SVEP1: variants seen among roughly 807,000 people sequenced by gnomAD.
The protein encoded by SVEP1 is sushi, von Willebrand factor type A, EGF and pentraxin domain containing 1.
SVEP1 carries 164 observed loss-of-function variants against 367.3 expected under a neutral mutation model. That is an observed-to-expected ratio of 0.45 (90% CI 0.39 to 0.51). The LOEUF (loss-of-function observed/expected upper bound fraction) is 0.51, where lower values mean the gene tolerates loss of function less well. Among genes scored for constraint, SVEP1 ranks in the 20% least tolerant of loss-of-function variants. The pLI is 0.00. For missense variants in SVEP1, 4,117 were observed against 4,425.3 expected (o/e 0.93, Z 1.98); for synonymous variants, 1,666 against 1,611.6 (o/e 1.03, Z -0.81).
intron 3 of SVEP1, among the ~76,000 whole-genome samples, chr9:110,521,969 TAA>T (rs575383394): frequency 4.1e-4 from 63 of 152,164 alleles, no homozygotes; most frequent in Non-Finnish European, 8.2e-4. Context: ...TTTTTTCCCT[TAA>T]ATATTTGATC....
intron 14 of SVEP1, 148 bp from the exon 15 acceptor site, chr9:110,472,471 T>TTA (rs1265102684): frequency 1.4e-5 from 9 of 627,776 alleles, no homozygotes; most frequent in African/African-American, 3.7e-5. Context: ...GTCTACAATG[T>TTA]TATATATATT....
chr9:110,507,595 A>C (rs1184539656), intron 5 of SVEP1, among the ~76,000 whole-genome samples: 2 of 152,242 alleles, frequency 1.3e-5, no homozygotes, highest in Non-Finnish European at 2.9e-5. Context: ...GTCAAGTATT[A>C]ATAAAAAATG....
intron 27 of SVEP1, among the ~76,000 whole-genome samples, chr9:110,439,550 C>A (rs140046681): frequency 6.6e-6 from 1 of 151,048 alleles, no homozygotes; most frequent in Non-Finnish European, 1.5e-5. Context: ...CCTGCCACCA[C>A]GCCCGGCTAA....
At chr9:110,546,016 A>T in intron 3 of SVEP1, 99 bp downstream of exon 3, 1 of 1,383,824 alleles carries the variant, frequency 7.2e-7, no homozygotes, top group Admixed American at 2.1e-5. Flanking sequence ...CCCACACACT[A>T]ATGAGCAATA....
intron 3 of SVEP1, among the ~76,000 whole-genome samples, chr9:110,544,307 C>A (rs2118840011): frequency 6.6e-6 from 1 of 152,176 alleles, no homozygotes; most frequent in South Asian, 2.1e-4. Context: ...TAAAGCAAAC[C>A]CAGTGCTCCC....
At chr9:110,370,825 G>A (rs925595257) in intron 46 of SVEP1, among the ~76,000 whole-genome samples, 1 of 152,214 alleles carries the variant, frequency 6.6e-6, no homozygotes, top group African/African-American at 2.4e-5. Context: ...GAAATAAAAT[G>A]TCTGTTGGGA....
At chr9:110,573,783 A>T (rs1216887838) in intron 1 of SVEP1, among the ~76,000 whole-genome samples, 1 of 152,232 alleles carries the variant, frequency 6.6e-6, no homozygotes, top group African/African-American at 2.4e-5. Context: ...AAAGGTCGTT[A>T]TGAGATAATT....
At chr9:110,438,796 C>T (rs1828470368) in intron 27 of SVEP1, among the ~76,000 whole-genome samples, 1 of 152,140 alleles carries the variant, frequency 6.6e-6, no homozygotes, top group African/African-American at 2.4e-5. Flanking sequence ...TACATACTTG[C>T]CAGCGCTCTA....
chr9:110,427,568 T>G (rs370891165), intron 36 of SVEP1, 23 bp downstream of exon 36: 1 of 1,604,910 alleles, frequency 6.2e-7, no homozygotes, highest in Non-Finnish European at 8.5e-7. Flanking sequence ...TCAATGATCC[T>G]TTCCTTCACA....
chr9:110,546,343 T>C (rs1453274327), intron 2 of SVEP1, 52 bp from the exon 3 acceptor site: 1 of 1,523,160 alleles, frequency 6.6e-7, no homozygotes, highest in East Asian at 2.4e-5. Context: ...AGTTCAATGT[T>C]ACATTCTCTG....
chr9:110,399,708 A>AT (rs936560456), intron 40 of SVEP1, among the ~76,000 whole-genome samples: 2 of 151,622 alleles, frequency 1.3e-5, no homozygotes, highest in African/African-American at 2.4e-5. Flanking sequence ...CATTTTCTGT[A>AT]TTTTTTGTGG....
At chr9:110,430,545 G>A (rs1248078064) in intron 32 of SVEP1, 95 bp from the exon 33 acceptor site, 103 of 1,334,844 alleles carry the variant, frequency 7.7e-5, no homozygotes, top group Non-Finnish European at 9.5e-5. Context: ...TAAGAAACCT[G>A]TTAAAATCGC....
At chr9:110,532,273 T>C (rs1830030878) in intron 3 of SVEP1, among the ~76,000 whole-genome samples, 1 of 152,146 alleles carries the variant, frequency 6.6e-6, no homozygotes, top group African/African-American at 2.4e-5. Context: ...AACATTATAA[T>C]ACCATATGGT....
chr9:110,550,183 A>T, intron 1 of SVEP1, 79 bp from the exon 2 acceptor site: 1 of 1,554,410 alleles, frequency 6.4e-7, no homozygotes, highest in Non-Finnish European at 8.8e-7. Context: ...GTAAGGCAGT[A>T]CTTGCAAAGA....
intron 1 of SVEP1, among the ~76,000 whole-genome samples, chr9:110,561,531 T>C (rs1038780048): frequency 2.6e-5 from 4 of 152,210 alleles, no homozygotes; most frequent in Non-Finnish European, 5.9e-5. Flanking sequence ...AATAAACTAA[T>C]ACATTCTAGG....
At chr9:110,455,788 C>A in intron 21 of SVEP1, 85 bp from the exon 22 acceptor site, 3 of 1,076,644 alleles carry the variant, frequency 2.8e-6, no homozygotes, top group East Asian at 2.8e-5. Context: ...GTAATTATCT[C>A]AATAATCAGA....
chr9:110,423,138 AAAAAAAAAT>A (rs1376834491), intron 36 of SVEP1, among the ~76,000 whole-genome samples: 84 of 85,474 alleles, frequency 9.8e-4, no homozygotes, highest in African/African-American at 3.5e-3. Flanking sequence ...AATAATAATA[AAAAAAAAAT>A]AAAAAAATAA....
intron 10 of SVEP1, among the ~76,000 whole-genome samples, 163 bp downstream of exon 10, chr9:110,483,419 TGTTA>T: frequency 6.6e-6 from 1 of 152,358 alleles, no homozygotes; most frequent in Admixed American, 6.5e-5. Context: ...AGATTGATAA[TGTTA>T]AATTATAATT....
At chr9:110,573,897 G>A (rs1830594891) in intron 1 of SVEP1, among the ~76,000 whole-genome samples, 1 of 152,156 alleles carries the variant, frequency 6.6e-6, no homozygotes, top group East Asian at 1.9e-4. Context: ...TATTGACTGT[G>A]TACTAATTAC....
Sources: gnomAD v4.1 joint callset for allele counts (sites outside exome capture counted in the v4.1 genomes callset) on GRCh38, gnomAD v4.1.1 for gene constraint, MANE v1.5 for transcripts, NCBI Gene and HGNC (gene_info 2026-07-23, HGNC 2026-07-21) for gene names.